Variants in SV2C observed in about 807,000 individuals in gnomAD.
SV2C encodes the protein solute carrier family 22 member B3.
In SV2C, 49 loss-of-function variants were observed where a neutral mutation model predicts 79.7. The observed-to-expected ratio is 0.61, with a 90% confidence interval of 0.49 to 0.78. The LOEUF (loss-of-function observed/expected upper bound fraction) is 0.78. SV2C is among the 30% of genes least tolerant of loss of function. The probability of loss-of-function intolerance (pLI) is 0.00; values close to 1 mark genes in which losing one functional copy is unlikely to be tolerated. For missense variants in SV2C, 833 were observed against 912.9 expected (o/e 0.91, Z 1.13); for synonymous variants, 334 against 333.2 (o/e 1.00, Z -0.03).
At chr5:75,898,607 C>CT in the SV2C span, among the ~76,000 whole-genome samples, 4 of 152,114 alleles carry the variant, frequency 2.6e-5, no homozygotes, top group African/African-American at 9.7e-5. Flanking sequence ...AGGATTCCCT[C>CT]TTTTTTTATT....
intron 2 of SV2C, among the ~76,000 whole-genome samples, chr5:76,164,002 A>G (rs773075058): frequency 7.2e-5 from 11 of 152,186 alleles, no homozygotes; most frequent in Non-Finnish European, 1.3e-4. Context: ...TCAGAGTCCA[A>G]TAGGTATGCT....
intron 3 of SV2C, among the ~76,000 whole-genome samples, chr5:76,203,724 A>T (rs979939023): frequency 1.3e-5 from 2 of 152,202 alleles, no homozygotes. Flanking sequence ...AAAGATCAAT[A>T]TTTTTTAAAT....
the SV2C span, among the ~76,000 whole-genome samples, chr5:75,876,018 T>A: frequency 6.6e-6 from 1 of 152,024 alleles, no homozygotes; most frequent in Non-Finnish European, 1.5e-5. Flanking sequence ...TGGCAACTCC[T>A]CAAAGAGCTA....
chr5:75,883,432 G>A, the SV2C span, among the ~76,000 whole-genome samples: 1 of 140,288 alleles, frequency 7.1e-6, no homozygotes, highest in Non-Finnish European at 1.5e-5. Flanking sequence ...CAAAGACTTG[G>A]AACCAACTCA....
At chr5:75,948,922 G>T in the SV2C span, among the ~76,000 whole-genome samples, 3 of 151,980 alleles carry the variant, frequency 2.0e-5, no homozygotes, top group Admixed American at 2.0e-4. Context: ...TGTGATGACT[G>T]ATAGAGCTTG....
At chr5:75,883,668 C>A in the SV2C span, among the ~76,000 whole-genome samples, 1 of 123,962 alleles carries the variant, frequency 8.1e-6, no homozygotes, top group Non-Finnish European at 1.6e-5. Flanking sequence ...AGGGGAACAT[C>A]ACACTCTGGG....
At chr5:76,271,376 C>G (rs1305326572) in intron 4 of SV2C, among the ~76,000 whole-genome samples, 1 of 151,942 alleles carries the variant, frequency 6.6e-6, no homozygotes, top group Admixed American at 6.6e-5. Flanking sequence ...GGACTACCCA[C>G]AAAAAACAAC....
At chr5:76,031,746 A>G in the SV2C span, among the ~76,000 whole-genome samples, 27 of 152,340 alleles carry the variant, frequency 1.8e-4, no homozygotes, top group East Asian at 5.0e-3. Context: ...CTCTAATACC[A>G]TCAGCTTGAA....
chr5:76,194,416 T>G (rs1444628977), intron 2 of SV2C, among the ~76,000 whole-genome samples: 1 of 152,210 alleles, frequency 6.6e-6, no homozygotes, highest in African/African-American at 2.4e-5. Context: ...ATCCTTCTGC[T>G]TTTGGAATCC....
At chr5:76,238,304 ATG>A (rs112691264) in intron 4 of SV2C, among the ~76,000 whole-genome samples, 8 of 149,540 alleles carry the variant, frequency 5.3e-5, no homozygotes, top group East Asian at 2.0e-4. Flanking sequence ...GTGTGTGTGT[ATG>A]TGTGTGTGTG....
the SV2C span, among the ~76,000 whole-genome samples, chr5:75,924,933 T>C: frequency 2.0e-5 from 3 of 152,196 alleles, no homozygotes; most frequent in South Asian, 4.1e-4. Context: ...ATGAAATAAA[T>C]TGTTCATTAA....
chr5:75,915,740 G>T, the SV2C span, among the ~76,000 whole-genome samples: 1 of 152,172 alleles, frequency 6.6e-6, no homozygotes, highest in Non-Finnish European at 1.5e-5. Flanking sequence ...GGAGTACAAG[G>T]TCCTCAATGA....
In SV2C at chr5:76,242,434, C is replaced by T. The variant is rs541968897; in HGVS notation, c.913+32547C>T. ...CAATCTCTTGACCTCATGATCTGCC[C>T]ACCTCGGCCTCCCAAAGTGCTGTGA... On this transcript the variant is annotated intron_variant, in intron 4 of 12. Coordinates refer to ENST00000502798, the MANE Select transcript of SV2C (RefSeq NM_014979.4). 1.1e-3 allele frequency: 641 copies of T among 603,688 alleles called. 7 individuals are homozygous for T. Among genetic ancestry groups the T allele is most frequent in the South Asian group, 9.3e-3 (615 of 66,108 alleles). The allele number at this position is 603,688 out of a possible 1,614,324, so 37.4% of individuals were successfully genotyped here.
rs143425412 is a variant in SV2C, at chr5:76,156,865, C to T, written c.580+24535C>T. ...AGAAGAAAGATTGACAGAGGTTATA[C>T]AAGCTGAAGAGAGAAAAAAATGAAC... On this transcript the variant is annotated intron_variant, in intron 2 of 12. Coordinates refer to ENST00000502798, the MANE Select transcript of SV2C (RefSeq NM_014979.4). Among the ~76,000 whole-genome samples the T allele has an allele frequency of 2.0e-3, 298 of 151,870 alleles. 2 individuals carry two copies. The highest frequency in any genetic ancestry group is 3.3e-3 in the Non-Finnish European group (226 of 67,916).
At chr5:76,073,242 G>C in the SV2C span, among the ~76,000 whole-genome samples, 1 of 151,944 alleles carries the variant, frequency 6.6e-6, no homozygotes, top group Non-Finnish European at 1.5e-5. Context: ...TTAAGTCTTT[G>C]ATCCATCTTG....
At chr5:75,854,851 T>G in the SV2C span, among the ~76,000 whole-genome samples, 1 of 152,148 alleles carries the variant, frequency 6.6e-6, no homozygotes, top group Non-Finnish European at 1.5e-5. Context: ...CTTTTGTGTT[T>G]AGGACTATCA....
the SV2C span, among the ~76,000 whole-genome samples, chr5:76,020,879 G>T: frequency 1.0e-3 from 154 of 152,232 alleles, no homozygotes; most frequent in Middle Eastern, 0.01. Flanking sequence ...CACTAGGGAA[G>T]GCCAAGTCAC....
chr5:76,160,895 A>T (rs539002119), intron 2 of SV2C, among the ~76,000 whole-genome samples: 1 of 152,264 alleles, frequency 6.6e-6, no homozygotes, highest in South Asian at 2.1e-4. Context: ...GTTGGCAAGG[A>T]TTTGGAGAAA....
At chr5:76,201,231 C>A (rs1744432053) in intron 3 of SV2C, among the ~76,000 whole-genome samples, 1 of 152,154 alleles carries the variant, frequency 6.6e-6, no homozygotes, top group Non-Finnish European at 1.5e-5. Context: ...CACTTTCCTC[C>A]CCTCTTTTGT....
Sources: gnomAD v4.1 joint callset for allele counts (sites outside exome capture counted in the v4.1 genomes callset) on GRCh38, gnomAD v4.1.1 for gene constraint, MANE v1.5 for transcripts, NCBI Gene and HGNC (gene_info 2026-07-23, HGNC 2026-07-21) for gene names.